Variants in FGD4 observed in about 807,000 individuals in gnomAD.
FGD4 encodes the protein FYVE, RhoGEF and PH domain containing 4.
Under a neutral mutation model 102.0 loss-of-function variants are expected in FGD4, and 42 were observed. That is an observed-to-expected ratio of 0.41 (90% CI 0.32 to 0.53). The LOEUF (loss-of-function observed/expected upper bound fraction) is 0.53, where lower values mean the gene tolerates loss of function less well. Among genes scored for constraint, FGD4 ranks in the 20% least tolerant of loss-of-function variants. FGD4 has a pLI of 0.21. For synonymous variants in FGD4, 380 were observed against 375.7 expected (o/e 1.01, Z -0.13); for missense variants, 902 against 1,078.2 (o/e 0.84, Z 2.29).
chr12:32,564,351 G>A, intron 2 of FGD4, 62 bp downstream of exon 2: 1 of 1,491,818 alleles, frequency 6.7e-7, no homozygotes, highest in Non-Finnish European at 8.9e-7. Context: ...AGGCTAACCA[G>A]AAAAATGATG....
At chr12:32,596,662 G>T (rs190193838) in intron 4 of FGD4, among the ~76,000 whole-genome samples, 3 of 151,424 alleles carry the variant, frequency 2.0e-5, no homozygotes, top group Non-Finnish European at 4.4e-5. Context: ...GGGGCTGGGC[G>T]CATTGGCTCA....
intron 1 of FGD4, among the ~76,000 whole-genome samples, chr12:32,553,929 C>T (rs1943896214): frequency 6.6e-6 from 1 of 152,056 alleles, no homozygotes; most frequent in African/African-American, 2.4e-5. Flanking sequence ...ACAGAAACCC[C>T]AATTTTTAAA....
rs533594036 is a variant in FGD4, at chr12:32,566,522, T to C, written c.319+2233T>C. ...CATAACCAGTCTTCAATAACACTGCTATATTGCTGCATTTCTTCCCCTTTG... is the reference window on the plus strand; with the variant it reads ...CATAACCAGTCTTCAATAACACTGCCATATTGCTGCATTTCTTCCCCTTTG... On this transcript the variant is annotated intron_variant, in intron 2 of 16. Transcript: ENST00000534526. Among the ~76,000 whole-genome samples the C allele has an allele frequency of 1.7e-4, 26 of 152,314 alleles. No homozygotes were observed. The South Asian group carries it at 5.4e-3, about 32-fold the overall frequency.
intron 2 of FGD4, among the ~76,000 whole-genome samples, chr12:32,570,112 G>A (rs957328683): frequency 1.3e-4 from 20 of 151,766 alleles, no homozygotes; most frequent in Admixed American, 5.2e-4. Context: ...TGGGTGGTGC[G>A]TACCTGTAAT....
In FGD4 at chr12:32,482,742, C is replaced by T. The variant is rs1036726431; in HGVS notation, c.167-81395C>T. ...AGTTTGGGGGGAGAATACAAGAAAA[C>T]GAAGACATAGGGTAAAAATTTTTAT... On this transcript the variant is annotated intron_variant, in intron 1 of 16. Transcript: ENST00000534526. Among the ~76,000 whole-genome samples the T allele has an allele frequency of 2.6e-5, 4 of 152,156 alleles. No individual in the cohort carries two copies. In the South Asian group the frequency reaches 6.2e-4, roughly 24 times the overall value.
chr12:32,565,224 A>G (rs967529381), intron 2 of FGD4, among the ~76,000 whole-genome samples: 1 of 152,218 alleles, frequency 6.6e-6, no homozygotes, highest in African/African-American at 2.4e-5. Flanking sequence ...TTCTGAAAGA[A>G]AATTTTAGAA....
In FGD4 at chr12:32,625,736, A is replaced by T; in HGVS notation, c.2129A>T (p.Asn710Ile). The change falls in exon 14 of 17, where the codon AAT becomes ATT. Residue 710 changes from asparagine (N) to isoleucine (I), a missense_variant. By Grantham distance (149) the Asn-to-Ile change is moderately radical. This residue lies in a region of FGD4 where 459 missense variants were observed against 619.0 expected (regional missense o/e 0.74). Coordinates refer to ENST00000534526, the MANE Select transcript of FGD4 (RefSeq NM_001370298.3). ...TMCMKCKEPF[N>I]ALTRRRHHCR... ...TGTATGAAATGTAAAGAACCTTTCA[A>T]TGCACTGACACGAAGGAGGCATCAT... The T allele has an allele frequency of 2.5e-6, 4 of 1,614,130 alleles. No homozygotes were observed. Among genetic ancestry groups the T allele is most frequent in the South Asian group, 2.2e-5 (2 of 91,076 alleles).
At chr12:32,470,399 C>G (rs1943382849) in intron 1 of FGD4, among the ~76,000 whole-genome samples, 1 of 151,808 alleles carries the variant, frequency 6.6e-6, no homozygotes, top group African/African-American at 2.4e-5. Context: ...GTTGCCATGA[C>G]AGGTTTCAGA....
At chr12:32,478,507 C>T (rs758602790) in intron 1 of FGD4, among the ~76,000 whole-genome samples, 1 of 152,212 alleles carries the variant, frequency 6.6e-6, no homozygotes, top group Non-Finnish European at 1.5e-5. Context: ...CTCAGGTGAT[C>T]TGCCCACCTT....
chr12:32,497,217 A>G (rs1199903468), intron 1 of FGD4, among the ~76,000 whole-genome samples: 3 of 152,216 alleles, frequency 2.0e-5, no homozygotes, highest in Admixed American at 2.0e-4. Context: ...GTTTCCATCA[A>G]ATTAGGCTTT....
intron 1 of FGD4, among the ~76,000 whole-genome samples, chr12:32,545,682 T>C (rs1565824527): frequency 6.6e-6 from 1 of 152,164 alleles, no homozygotes; most frequent in East Asian, 1.9e-4. Flanking sequence ...TCCTTAAGAG[T>C]AGGCTGAAGA....
chr12:32,508,173 G>A (rs1043158907), intron 1 of FGD4, among the ~76,000 whole-genome samples: 3 of 152,242 alleles, frequency 2.0e-5, no homozygotes, highest in African/African-American at 7.2e-5. Context: ...ATCTGAGGAT[G>A]CTAAAGCAAG....
rs1473786614 is a variant in FGD4 at position 32,608,017 on chromosome 12, A to T, written c.1465A>T (p.Ile489Phe). Reference protein sequence around the residue: ...QHHMLEPVQRIPRYEMLLKDY... With the variant: ...QHHMLEPVQRFPRYEMLLKDY... Reference sequence around the variant, plus strand: ...TCACATGCTAGAACCTGTTCAGCGGATTCCCCGGTATGAGATGCTCCTTAA... The same window carrying T: ...TCACATGCTAGAACCTGTTCAGCGGTTTCCCCGGTATGAGATGCTCCTTAA... The change falls in exon 8 of 17, where the codon ATT becomes TTT. Residue 489 changes from isoleucine to phenylalanine, a missense_variant. Around this residue, in one of 2 missense-constraint regions of FGD4, gnomAD observed 459 missense variants for 619.0 expected, o/e 0.74. Transcript: ENST00000534526. The T allele has an allele frequency of 6.2e-7, 1 of 1,614,122 alleles. No individual in the cohort carries two copies. Among genetic ancestry groups the T allele is most frequent in the Non-Finnish European group, 8.5e-7 (1 of 1,180,046 alleles).
At chr12:32,444,042 T>G (rs1330909708) in intron 1 of FGD4, among the ~76,000 whole-genome samples, 3 of 134,976 alleles carry the variant, frequency 2.2e-5, no homozygotes, top group South Asian at 4.8e-4. Context: ...TTTTTTTTTT[T>G]GAGACAGGGT....
chr12:32,578,368 A>C (rs948128741), intron 3 of FGD4, among the ~76,000 whole-genome samples: 1 of 152,174 alleles, frequency 6.6e-6, no homozygotes, highest in Non-Finnish European at 1.5e-5. Flanking sequence ...CTGTTGAGTG[A>C]TATCCTTGCC....
chr12:32,574,229 G>A (rs1029363589), intron 2 of FGD4, among the ~76,000 whole-genome samples: 13 of 151,920 alleles, frequency 8.6e-5, no homozygotes, highest in African/African-American at 2.9e-4. Flanking sequence ...GTAAACTCTA[G>A]GTAGATGAAT....
intron 3 of FGD4, among the ~76,000 whole-genome samples, chr12:32,581,309 G>A (rs1946598252): frequency 6.6e-6 from 1 of 152,246 alleles, no homozygotes; most frequent in South Asian, 2.1e-4. Context: ...CTCATAGGCT[G>A]TCACTGGGAC....
At chr12:32,413,237 C>T (rs1591851122) in intron 1 of FGD4, among the ~76,000 whole-genome samples, 2 of 151,968 alleles carry the variant, frequency 1.3e-5, no homozygotes, top group Non-Finnish European at 1.5e-5. Flanking sequence ...TTGTAACAAA[C>T]CTGCACGTTC....
intron 1 of FGD4, among the ~76,000 whole-genome samples, chr12:32,505,678 A>G (rs1938649401): frequency 6.6e-6 from 1 of 152,232 alleles, no homozygotes; most frequent in Non-Finnish European, 1.5e-5. Flanking sequence ...GGCGCCTAGC[A>G]TACCTTATTC....
Sources: gnomAD v4.1 joint callset for allele counts (sites outside exome capture counted in the v4.1 genomes callset) on GRCh38, gnomAD v4.1.1 for gene constraint, gnomAD v4.1.1 regional missense constraint, MANE v1.5 for transcripts, NCBI Gene and HGNC (gene_info 2026-07-23, HGNC 2026-07-21) for gene names.